CDH19: variants seen among roughly 807,000 people sequenced by gnomAD.
CDH19 encodes cadherin 19, also known as cadherin-19.
Under a neutral mutation model 64.2 loss-of-function variants are expected in CDH19, and 67 were observed. The ratio of observed to expected loss-of-function variants is 1.04; its 90% CI spans 0.86 to 1.28. CDH19 has a LOEUF of 1.28. Among genes scored for constraint, CDH19 ranks in the 50% most tolerant of loss-of-function variants. The pLI is 0.00. For synonymous variants in CDH19, 346 were observed against 319.3 expected, an observed-to-expected ratio of 1.08 and a Z score of -0.89; for missense variants, 1,030 against 929.0, an observed-to-expected ratio of 1.11 and a Z score of -1.41.
At chr18:66,599,043 T>C (rs1473192762) in intron 1 of CDH19, among the ~76,000 whole-genome samples, 1 of 152,128 alleles carries the variant, frequency 6.6e-6, no homozygotes, top group Non-Finnish European at 1.5e-5. Context: ...ATAAAGGATA[T>C]AATGTAAAAA....
intron 1 of CDH19, among the ~76,000 whole-genome samples, chr18:66,599,682 T>C (rs996479930): frequency 2.0e-5 from 3 of 152,050 alleles, no homozygotes; most frequent in South Asian, 2.1e-4. Context: ...CAATTATAAA[T>C]TGTCAATTTT....
intron 1 of CDH19, among the ~76,000 whole-genome samples, chr18:66,576,928 A>T (rs981717244): frequency 2.6e-5 from 4 of 151,718 alleles, no homozygotes; most frequent in African/African-American, 9.7e-5. Flanking sequence ...GCAACGCATA[A>T]GCAAAATTTA....
intron 1 of CDH19, among the ~76,000 whole-genome samples, chr18:66,589,911 CTTTA>C (rs1482670890): frequency 6.6e-6 from 1 of 151,848 alleles, no homozygotes; most frequent in Non-Finnish European, 1.5e-5. Flanking sequence ...TGCAAAAGCA[CTTTA>C]TTTGACAATA....
intron 3 of CDH19, among the ~76,000 whole-genome samples, chr18:66,560,430 T>C (rs1987677903): frequency 6.6e-6 from 1 of 151,898 alleles, no homozygotes; most frequent in African/African-American, 2.4e-5. Context: ...CTTTACACCT[T>C]TCACAAATAT....
At chr18:66,555,538 C>A (rs1206827077) in intron 3 of CDH19, among the ~76,000 whole-genome samples, 1 of 151,638 alleles carries the variant, frequency 6.6e-6, no homozygotes, top group African/African-American at 2.4e-5. Flanking sequence ...GTTTTAATAT[C>A]ATACAGCATA....
chr18:66,557,630 T>C (rs955350026), intron 3 of CDH19, among the ~76,000 whole-genome samples: 7 of 152,006 alleles, frequency 4.6e-5, no homozygotes, highest in Non-Finnish European at 8.8e-5. Context: ...ACCAAGGCTA[T>C]AGAATTGGTG....
intron 1 of CDH19, among the ~76,000 whole-genome samples, chr18:66,575,699 A>G (rs890359159): frequency 1.3e-5 from 2 of 151,878 alleles, no homozygotes; most frequent in Admixed American, 6.6e-5. Context: ...AATACGATAC[A>G]TGATTAAATG....
chr18:66,568,349 C>T, intron 3 of CDH19, 67 bp downstream of exon 3: 1 of 1,236,628 alleles, frequency 8.1e-7, no homozygotes. Flanking sequence ...ACTTCCAAAA[C>T]ATATCCTTCA....
chr18:66,579,545 T>C (rs184342475), intron 1 of CDH19, among the ~76,000 whole-genome samples: 1 of 151,940 alleles, frequency 6.6e-6, no homozygotes, highest in Non-Finnish European at 1.5e-5. Context: ...GGTCTGAATA[T>C]ACAATAAATT....
chr18:66,540,516 GA>G (rs1986847330), intron 7 of CDH19, among the ~76,000 whole-genome samples: 1 of 152,086 alleles, frequency 6.6e-6, no homozygotes, highest in African/African-American at 2.4e-5. Context: ...CACATTTCTA[GA>G]GGCTGGAAGT....
intron 4 of CDH19, 67 bp from the exon 5 acceptor site, chr18:66,551,325 T>A: frequency 2.3e-6 from 2 of 887,418 alleles, no homozygotes; most frequent in Non-Finnish European, 3.7e-6. Flanking sequence ...GTTAATTTCT[T>A]AACCATTGCA....
chr18:66,505,417 C>A, intron 11 of CDH19, 115 bp from the exon 12 acceptor site: 1 of 776,448 alleles, frequency 1.3e-6, no homozygotes, highest in Non-Finnish European at 1.8e-6. Context: ...GATTATAAAA[C>A]AAAAAGATAC....
intron 3 of CDH19, among the ~76,000 whole-genome samples, chr18:66,561,246 T>G (rs1987711641): frequency 6.6e-6 from 1 of 152,122 alleles, no homozygotes; most frequent in Non-Finnish European, 1.5e-5. Flanking sequence ...AATAGTCATT[T>G]TGTAAAACAG....
At position 66,505,120 on chromosome 18, in the gene CDH19, G is replaced by C. The variant is rs751067735; in HGVS notation, c.2011C>G (p.Arg671Gly). The change falls in exon 12 of 12, where the codon CGG becomes GGG. Residue 671 changes from arginine to glycine, a missense_variant. Transcript: ENST00000262150. ...CTGATCTCAGCGCTTGTGGTTTTCC[G>C]AGTCTTGCGTTCCCGCATTATGGTA... ...SSTIMRERKT[R>G]KTTSAEIRSL... 38 of 1,613,402 alleles carry C rather than the reference G, an allele frequency of 2.4e-5. No homozygotes were observed. The highest frequency in any genetic ancestry group is 3.2e-5 in the Non-Finnish European group (38 of 1,179,716).
intron 8 of CDH19, among the ~76,000 whole-genome samples, chr18:66,534,779 GTTATAA>G (rs1186761766): frequency 6.6e-6 from 1 of 151,766 alleles, no homozygotes; most frequent in African/African-American, 2.4e-5. Context: ...ATTATTTACT[GTTATAA>G]TTAGAAAATA....
chr18:66,566,331 C>T (rs1166019468), intron 3 of CDH19, among the ~76,000 whole-genome samples: 2 of 131,008 alleles, frequency 1.5e-5, no homozygotes, highest in Non-Finnish European at 3.2e-5. Context: ...TGTCCTTTTA[C>T]TTTGCTTCAA....
intron 7 of CDH19, 149 bp downstream of exon 7, chr18:66,543,822 G>T: frequency 1.7e-6 from 1 of 581,106 alleles, no homozygotes; most frequent in Non-Finnish European, 2.9e-6. Context: ...AGCAGAGGTG[G>T]CAATGAGCTG....
chr18:66,525,478 T>C (rs574946380), intron 9 of CDH19, among the ~76,000 whole-genome samples: 14 of 152,228 alleles, frequency 9.2e-5, no homozygotes, highest in Admixed American at 8.5e-4. Flanking sequence ...CATATATTAA[T>C]GTTAGGTGTT....
At chr18:66,548,580 T>A (rs527439269) in intron 5 of CDH19, among the ~76,000 whole-genome samples, 29 of 152,146 alleles carry the variant, frequency 1.9e-4, no homozygotes, top group African/African-American at 7.0e-4. Context: ...CAAGGAGAAG[T>A]TGATCAATTA....
Sources: gnomAD v4.1 joint callset for allele counts (sites outside exome capture counted in the v4.1 genomes callset) on GRCh38, gnomAD v4.1.1 for gene constraint, MANE v1.5 for transcripts, NCBI Gene and HGNC (gene_info 2026-07-23, HGNC 2026-07-21) for gene names.